Variants in DAB1 observed in about 807,000 individuals in gnomAD.
The protein encoded by DAB1 is DAB adaptor protein 1, also known as disabled homolog 1.
In DAB1, 15 loss-of-function variants were observed where a neutral mutation model predicts 64.6. That is an observed-to-expected ratio of 0.23 (90% CI 0.16 to 0.36). The LOEUF (loss-of-function observed/expected upper bound fraction) is 0.36, where lower values mean the gene tolerates loss of function less well. DAB1 is among the 10% of genes least tolerant of loss of function. DAB1 has a pLI of 1.00. For synonymous variants in DAB1, 235 were observed against 251.9 expected, an observed-to-expected ratio of 0.93 and a Z score of 0.64; for missense variants, 596 against 706.7, an observed-to-expected ratio of 0.84 and a Z score of 1.78.
intron 7 of DAB1, among the ~76,000 whole-genome samples, chr1:57,631,107 T>C (rs1176813195): frequency 6.6e-6 from 1 of 152,170 alleles, no homozygotes; most frequent in African/African-American, 2.4e-5. Flanking sequence ...TTATCAAATA[T>C]ATTTTCTTTG....
intron 5 of DAB1, among the ~76,000 whole-genome samples, chr1:58,107,453 A>G (rs1651724190): frequency 6.7e-6 from 1 of 150,368 alleles, no homozygotes; most frequent in Non-Finnish European, 1.5e-5. Context: ...CCTGGGTGAC[A>G]GCAAGACTCC....
At chr1:57,573,935 A>G (rs1645220260) in intron 7 of DAB1, among the ~76,000 whole-genome samples, 1 of 152,198 alleles carries the variant, frequency 6.6e-6, no homozygotes, top group Middle Eastern at 3.2e-3. Context: ...CTCCTTGATT[A>G]TTGAGAAGGG....
intron 4 of DAB1, among the ~76,000 whole-genome samples, chr1:58,245,870 A>G (rs1660505645): frequency 6.6e-6 from 1 of 152,202 alleles, no homozygotes; most frequent in Non-Finnish European, 1.5e-5. Flanking sequence ...CATTTATTCC[A>G]TAGTCGTTGG....
At chr1:58,507,144 T>G (rs141822784) in intron 2 of DAB1, among the ~76,000 whole-genome samples, 55 of 152,030 alleles carry the variant, frequency 3.6e-4, no homozygotes, top group African/African-American at 1.3e-3. Context: ...AAATCCTCCA[T>G]AAGGTGGATT....
chr1:57,224,803 C>T (rs1667136918), intron 2 of DAB1, among the ~76,000 whole-genome samples: 1 of 152,184 alleles, frequency 6.6e-6, no homozygotes, highest in African/African-American at 2.4e-5. Context: ...CCTGAGAGAG[C>T]TTCAGGATGG....
intron 4 of DAB1, among the ~76,000 whole-genome samples, chr1:57,080,036 A>C (rs559090025): frequency 7.2e-5 from 11 of 152,356 alleles, no homozygotes; most frequent in Non-Finnish European, 1.5e-4. Context: ...GGTTTTGTAC[A>C]TCTATGATTT....
intron 1 of DAB1, among the ~76,000 whole-genome samples, chr1:57,349,196 C>G (rs892579622): frequency 7.2e-5 from 11 of 152,296 alleles, no homozygotes; most frequent in African/African-American, 2.6e-4. Context: ...ACACAGCCCA[C>G]TTTTGTTTCA....
chr1:57,447,766 C>G (rs1048534434), intron 7 of DAB1, among the ~76,000 whole-genome samples: 1 of 152,158 alleles, frequency 6.6e-6, no homozygotes, highest in Admixed American at 6.5e-5. Flanking sequence ...CATCTCTTAT[C>G]AAGATCCCCT....
At chr1:58,296,524 C>T (rs1210907899) in intron 4 of DAB1, among the ~76,000 whole-genome samples, 1 of 152,186 alleles carries the variant, frequency 6.6e-6, no homozygotes, top group Non-Finnish European at 1.5e-5. Flanking sequence ...ACTCCAGTGG[C>T]ACATCCTGCT....
chr1:58,049,993 G>A (rs950470125), intron 5 of DAB1, among the ~76,000 whole-genome samples: 13 of 152,162 alleles, frequency 8.5e-5, no homozygotes, highest in African/African-American at 2.7e-4. Context: ...ATCTCATGCA[G>A]GGAACTCTAA....
At chr1:57,108,571 G>A (rs1655377280) in intron 4 of DAB1, among the ~76,000 whole-genome samples, 1 of 152,074 alleles carries the variant, frequency 6.6e-6, no homozygotes, top group African/African-American at 2.4e-5. Flanking sequence ...TAAAATGTAA[G>A]CTCCTTGAGG....
chr1:58,102,347 G>A (rs780303952), intron 5 of DAB1, among the ~76,000 whole-genome samples: 8 of 152,210 alleles, frequency 5.3e-5, no homozygotes, highest in African/African-American at 1.7e-4. Flanking sequence ...GAAAGAGAGT[G>A]TGATCAAGCT....
intron 4 of DAB1, among the ~76,000 whole-genome samples, chr1:58,216,192 C>G (rs1211582123): frequency 3.3e-5 from 5 of 152,052 alleles, no homozygotes; most frequent in Admixed American, 1.3e-4. Context: ...CCCCCACCCC[C>G]CAACAGGCCT....
intron 5 of DAB1, among the ~76,000 whole-genome samples, chr1:58,033,244 A>G (rs1192429059): frequency 6.6e-6 from 1 of 152,190 alleles, no homozygotes; most frequent in Non-Finnish European, 1.5e-5. Context: ...AGTTTGCACA[A>G]GCTGGCTGTA....
intron 6 of DAB1, among the ~76,000 whole-genome samples, chr1:57,790,066 G>A (rs1229733030): frequency 2.6e-5 from 4 of 152,188 alleles, no homozygotes; most frequent in African/African-American, 9.7e-5. Flanking sequence ...CCAGCCAAGA[G>A]AGTGGAACTA....
Position 57,025,937 on chromosome 1 carries a change from A to G in DAB1, c.786+44T>C, listed in dbSNP as rs745600428. 1.1e-5 allele frequency: 17 copies of G among 1,484,094 alleles called. No individual in the cohort carries two copies. The African/African-American group carries it at 2.2e-4, about 19-fold the overall frequency. The allele number at this position is 1,484,094 out of a possible 1,614,324, so 91.9% of individuals were successfully genotyped here. A position where few individuals can be genotyped will look rare whatever the true frequency, so the allele number is the denominator to read the frequency against. Reference sequence around the variant, plus strand: ...CTGGCCACTGAGGGGATGTGTAAAGAAAGGAATTCAGAGAGCAGGGTTCAG... The same window carrying G: ...CTGGCCACTGAGGGGATGTGTAAAGGAAGGAATTCAGAGAGCAGGGTTCAG... On this transcript the variant is annotated intron_variant, in intron 10 of 14. Coordinates refer to ENST00000371236, the MANE Select transcript of DAB1 (RefSeq NM_001365792.1).
At chr1:57,311,003 A>G (rs1210285710) in intron 1 of DAB1, among the ~76,000 whole-genome samples, 1 of 152,050 alleles carries the variant, frequency 6.6e-6, no homozygotes, top group Non-Finnish European at 1.5e-5. Context: ...CTCTAAAAAA[A>G]AAAATAGATA....
rs115616889 is a variant in DAB1 at position 57,505,457 on chromosome 1, G to T, written n.625+144135C>A. Among the ~76,000 whole-genome samples the T allele has an allele frequency of 8.3e-3, 1,258 of 152,216 alleles. 9 individuals are homozygous for T. The highest frequency in any genetic ancestry group is 0.039 in the South Asian group (190 of 4,816). ...CTTGAGCATGTGATGACACTATATTGCACCTCCAGAACAAAAGGATTCTCC... is the reference window on the plus strand; with the variant it reads ...CTTGAGCATGTGATGACACTATATTTCACCTCCAGAACAAAAGGATTCTCC... On this transcript the variant is annotated intron_variant and non_coding_transcript_variant, in intron 7 of 20. Transcript: ENST00000485760.
At chr1:57,569,765 ATCT>A (rs1459563309) in intron 7 of DAB1, among the ~76,000 whole-genome samples, 3 of 152,148 alleles carry the variant, frequency 2.0e-5, no homozygotes, top group East Asian at 1.9e-4. Context: ...AAAAGAAAAT[ATCT>A]TCATTTTATT....
Sources: allele counts gnomAD v4.1 joint callset (sites outside exome capture counted in the v4.1 genomes callset), GRCh38; gene constraint gnomAD v4.1.1; transcripts MANE v1.5; gene names NCBI Gene and HGNC (gene_info 2026-07-23, HGNC 2026-07-21).